Variants in ARHGAP6 observed in about 807,000 individuals in gnomAD.
ARHGAP6 encodes Rho GTPase activating protein 6, also known as rho GTPase-activating protein 6.
ARHGAP6 carries 16 observed loss-of-function variants against 55.7 expected under a neutral mutation model. The ratio of observed to expected loss-of-function variants is 0.29; its 90% CI spans 0.19 to 0.44. ARHGAP6 has a LOEUF of 0.44. Ranked by LOEUF, ARHGAP6 falls within the 20% of genes least tolerant of loss-of-function variation. The pLI is 1.00. For missense variants in ARHGAP6, 698 were observed against 808.9 expected (o/e 0.86, Z 1.66); for synonymous variants, 382 against 360.9 (o/e 1.06, Z -0.66).
intron 1 of ARHGAP6, among the ~76,000 whole-genome samples, chrX:11,646,229 T>C (rs770854231): frequency 9.0e-6 from 1 of 111,291 alleles, no homozygotes; most frequent in Non-Finnish European, 1.9e-5. Context: ...CAACCACCTC[T>C]CTCCATGTAA....
At chrX:11,565,466 C>T (rs932628183) in intron 1 of ARHGAP6, among the ~76,000 whole-genome samples, 2 of 112,051 alleles carry the variant, frequency 1.8e-5, no homozygotes. Context: ...AGACACCTTG[C>T]GATACAGTTC....
At chrX:11,443,969 A>G (rs1181845236) in intron 1 of ARHGAP6, among the ~76,000 whole-genome samples, 1 of 111,299 alleles carries the variant, frequency 9.0e-6, no homozygotes, top group Non-Finnish European at 1.9e-5. Context: ...AAAAAAAAAT[A>G]TTTCCTGGTG....
intron 8 of ARHGAP6, among the ~76,000 whole-genome samples, chrX:11,176,313 A>ATC (rs2046220892): frequency 3.2e-5 from 1 of 31,538 alleles, no homozygotes; most frequent in Non-Finnish European, 4.8e-5. Context: ...ATATATATAT[A>ATC]TATATATATA....
chrX:11,533,012 G>A (rs2051067722), intron 1 of ARHGAP6, among the ~76,000 whole-genome samples: 2 of 111,437 alleles, frequency 1.8e-5, no homozygotes, highest in Admixed American at 1.9e-4. Flanking sequence ...CAGATTTCAG[G>A]ATTCATCTGT....
intron 2 of ARHGAP6, among the ~76,000 whole-genome samples, chrX:11,217,374 C>G (rs920292619): frequency 8.9e-6 from 1 of 112,054 alleles, no homozygotes. Context: ...TCTCCAGCAT[C>G]TGTTGTTTCC....
intron 1 of ARHGAP6, among the ~76,000 whole-genome samples, chrX:11,472,851 GC>G: frequency 9.0e-6 from 1 of 110,953 alleles, no homozygotes; most frequent in East Asian, 2.9e-4. Context: ...TTAGGTGTCT[GC>G]CAAGATGGGT....
intron 8 of ARHGAP6, among the ~76,000 whole-genome samples, chrX:11,174,490 T>G (rs1015808037): frequency 5.5e-5 from 6 of 109,994 alleles, no homozygotes; most frequent in African/African-American, 2.0e-4. Flanking sequence ...ACATGCATGA[T>G]TCAAATCCCA....
intron 3 of ARHGAP6, among the ~76,000 whole-genome samples, chrX:11,194,323 C>T (rs749388134): frequency 1.8e-5 from 2 of 112,160 alleles, no homozygotes; most frequent in Non-Finnish European, 3.8e-5. Context: ...TCTGCTGTGA[C>T]AGAATGTGGC....
intron 1 of ARHGAP6, chrX:11,367,876 CA>C: frequency 3.1e-6 from 2 of 635,747 alleles, no homozygotes; most frequent in Non-Finnish European, 3.8e-6. Flanking sequence ...GGCAAAGCAA[CA>C]AGGTCAATTC....
At chrX:11,301,247 C>T (rs2147580494) in intron 1 of ARHGAP6, among the ~76,000 whole-genome samples, 1 of 111,890 alleles carries the variant, frequency 8.9e-6, no homozygotes, top group Admixed American at 9.4e-5. Flanking sequence ...TAAAGTTATT[C>T]AAGTAATTTG....
In ARHGAP6 at chrX:11,205,320, TC is replaced by T. The variant is rs1339095871; in HGVS notation, c.749-8325del. 5.4e-5 allele frequency among the ~76,000 whole-genome samples: 6 copies of T among 111,679 alleles called. No homozygotes were observed. The Admixed American group carries it at 5.7e-4, about 11-fold the overall frequency. The stretch of plus-strand genomic sequence containing the variant: ...TGTACAGTGTAGGATGCTTAGTGGA[TC>T]CCTGGTCTCCACCTACCAGATGCCA... On this transcript the variant is annotated intron_variant, in intron 2 of 12. Coordinates refer to ENST00000337414, the MANE Select transcript of ARHGAP6 (RefSeq NM_013427.3).
chrX:11,282,142 A>G (rs190236174), intron 1 of ARHGAP6, among the ~76,000 whole-genome samples: 1 of 112,402 alleles, frequency 8.9e-6, no homozygotes, highest in East Asian at 2.8e-4. Context: ...TGGTAAAACA[A>G]CTGAATTTGT....
chrX:11,476,342 T>C (rs766500850), intron 1 of ARHGAP6, among the ~76,000 whole-genome samples: 1 of 111,511 alleles, frequency 9.0e-6, no homozygotes, highest in African/African-American at 3.2e-5. Context: ...TTTAGCCAGA[T>C]ATACACAACA....
At chrX:11,350,107 A>G (rs1468288068) in intron 1 of ARHGAP6, among the ~76,000 whole-genome samples, 3 of 112,071 alleles carry the variant, frequency 2.7e-5, no homozygotes. Context: ...TAGCCTGCTC[A>G]AGTCACTTAA....
In ARHGAP6 at chrX:11,567,535, C is replaced by T. The variant is rs765273957; in HGVS notation, c.588+96706G>A. On this transcript the variant is annotated intron_variant, in intron 1 of 12. Transcript: ENST00000337414. ...CGCCACTGCACTCCAGCCTGGGTGA[C>T]AGAGGGAGACTCCATCTCAAAAAAA... Among the ~76,000 whole-genome samples the T allele has an allele frequency of 4.2e-3, 282 of 66,500 alleles. 2 individuals are homozygous for T. The highest frequency in any genetic ancestry group is 7.3e-3 in the Non-Finnish European group (243 of 33,328). 57.7% of individuals were successfully genotyped at this position (66,500 alleles called of 115,157 possible).
chrX:11,468,459 T>C (rs766607201), intron 1 of ARHGAP6, among the ~76,000 whole-genome samples: 1 of 112,095 alleles, frequency 8.9e-6, no homozygotes, highest in South Asian at 3.8e-4. Context: ...CTCTGTTCCT[T>C]AAATCCTGGT....
intron 8 of ARHGAP6, among the ~76,000 whole-genome samples, 192 bp from the exon 9 acceptor site, chrX:11,169,876 G>A (rs1219352080): frequency 4.6e-5 from 5 of 109,820 alleles, no homozygotes; most frequent in Admixed American, 9.8e-5. Context: ...GAAGCTCACA[G>A]TTCAGTGATC....
At chrX:11,642,031 C>T (rs985250820) in intron 1 of ARHGAP6, among the ~76,000 whole-genome samples, 1 of 111,985 alleles carries the variant, frequency 8.9e-6, no homozygotes, top group Non-Finnish European at 1.9e-5. Context: ...TTACTTCTTT[C>T]AGACCATAAG....
rs181243708 is a variant in ARHGAP6 at position 11,647,446 on chromosome X, C to T, written c.588+16795G>A. Among the ~76,000 whole-genome samples the T allele has an allele frequency of 1.2e-3, 131 of 111,912 alleles. 3 individuals carry two copies. The highest frequency in any genetic ancestry group is 5.8e-4 in the Non-Finnish European group (31 of 53,137). On this transcript the variant is annotated intron_variant, in intron 1 of 12. Coordinates refer to ENST00000337414, the MANE Select transcript of ARHGAP6 (RefSeq NM_013427.3). ...AAGACATGCTGTTGATGCCCCGAGG[C>T]GGCAATAAGGACAGACAAAGCAATA... is the stretch of plus-strand genomic sequence containing the variant.
Sources: gnomAD v4.1 joint callset for allele counts (sites outside exome capture counted in the v4.1 genomes callset) on GRCh38, gnomAD v4.1.1 for gene constraint, MANE v1.5 for transcripts, NCBI Gene and HGNC (gene_info 2026-07-23, HGNC 2026-07-21) for gene names.